The following SIPA1L1 variants were observed in gnomAD, a reference collection of about 807,000 sequenced individuals.
The protein encoded by SIPA1L1 is signal-induced proliferation-associated 1-like protein 1.
Under a neutral mutation model 162.7 loss-of-function variants are expected in SIPA1L1, and 26 were observed. The observed-to-expected ratio is 0.16, with a 90% confidence interval of 0.12 to 0.22. The LOEUF is 0.22. Among genes scored for constraint, SIPA1L1 ranks in the 10% least tolerant of loss-of-function variants. SIPA1L1 has a pLI of 1.00. For missense variants in SIPA1L1, 1,874 were observed against 2,241.0 expected, an observed-to-expected ratio of 0.84 and a Z score of 3.31; for synonymous variants, 829 against 837.4, an observed-to-expected ratio of 0.99 and a Z score of 0.17.
intron 2 of SIPA1L1, among the ~76,000 whole-genome samples, chr14:71,391,103 C>CTTTTTT (rs36003254): frequency 2.8e-5 from 3 of 108,460 alleles, no homozygotes; most frequent in Admixed American, 1.2e-4. Flanking sequence ...TATTCAGTAT[C>CTTTTTT]TTTTTTTTTT....
chr14:71,517,369 C>G (rs540564154), intron 3 of SIPA1L1, among the ~76,000 whole-genome samples: 2 of 152,030 alleles, frequency 1.3e-5, no homozygotes, highest in Non-Finnish European at 2.9e-5. Context: ...ACATTGTCCC[C>G]TTGAGTTTTT....
chr14:71,537,939 A>T (rs1297308059), intron 4 of SIPA1L1, among the ~76,000 whole-genome samples: 1 of 152,184 alleles, frequency 6.6e-6, no homozygotes, highest in African/African-American at 2.4e-5. Context: ...TCAGGGTCTG[A>T]GGATGGCATT....
At chr14:71,486,118 A>G (rs1402705690) in intron 2 of SIPA1L1, among the ~76,000 whole-genome samples, 2 of 152,236 alleles carry the variant, frequency 1.3e-5, no homozygotes, top group Non-Finnish European at 2.9e-5. Context: ...TTAGACAGAA[A>G]AAGATAGTGA....
intron 2 of SIPA1L1, among the ~76,000 whole-genome samples, chr14:71,352,482 A>C (rs2036818227): frequency 6.6e-6 from 1 of 152,154 alleles, no homozygotes; most frequent in Non-Finnish European, 1.5e-5. Flanking sequence ...GCTTTATATT[A>C]ATGTCATAAT....
At chr14:71,403,624 A>T (rs914871512) in intron 2 of SIPA1L1, among the ~76,000 whole-genome samples, 16 of 147,102 alleles carry the variant, frequency 1.1e-4, no homozygotes, top group African/African-American at 3.8e-4. Context: ...AAAAAAAAAA[A>T]TCTTAATCAT....
intron 2 of SIPA1L1, among the ~76,000 whole-genome samples, chr14:71,470,425 CT>C (rs757800562): frequency 1.9e-4 from 29 of 152,188 alleles, no homozygotes; most frequent in Non-Finnish European, 3.8e-4. Flanking sequence ...TTTTAAGTGA[CT>C]GTGTAACTGG....
chr14:71,535,630 G>C (rs1451249515), intron 4 of SIPA1L1, among the ~76,000 whole-genome samples: 1 of 144,742 alleles, frequency 6.9e-6, no homozygotes, highest in Non-Finnish European at 1.5e-5. Context: ...CTTTTCTTTT[G>C]AGACAGAGTC....
At chr14:71,589,471 G>A (rs556235563) in intron 5 of SIPA1L1, 101 bp downstream of exon 5, 29 of 681,692 alleles carry the variant, frequency 4.3e-5, no homozygotes, top group Middle Eastern at 8.3e-4. Flanking sequence ...CATAAGATTT[G>A]CATGTCTTAT....
rs113752509 is a variant in SIPA1L1 at position 71,470,405 on chromosome 14, C to T, written c.-464-42338C>T. ...GAATTGCTATCTGACACTTCAGCAG[C>T]GCCCAAACTTTTTAAGTGACTGTGT... On this transcript the variant is annotated intron_variant, in intron 2 of 23. Coordinates refer to ENST00000381232, the MANE Select transcript of SIPA1L1 (RefSeq NM_001386936.1). Among the ~76,000 whole-genome samples, 2 of 152,300 alleles carry T rather than the reference C, an allele frequency of 1.3e-5. 1 individual carries two copies. Among genetic ancestry groups the T allele is most frequent in the African/African-American group, 4.8e-5 (2 of 41,572 alleles).
chr14:71,607,119 G>A (rs75473415), intron 5 of SIPA1L1, among the ~76,000 whole-genome samples: 1 of 151,778 alleles, frequency 6.6e-6, no homozygotes, highest in Non-Finnish European at 1.5e-5. Context: ...GAATGAATGA[G>A]CCCAAAGAAT....
intron 2 of SIPA1L1, among the ~76,000 whole-genome samples, chr14:71,382,575 A>G: frequency 6.6e-6 from 1 of 152,160 alleles, no homozygotes; most frequent in Non-Finnish European, 1.5e-5. Context: ...TAAGAACACC[A>G]TCTTGTTCTT....
At chr14:71,529,169 A>G (rs1338957665) in intron 3 of SIPA1L1, 143 bp from the exon 4 acceptor site, 16 of 405,238 alleles carry the variant, frequency 3.9e-5, no homozygotes, top group Non-Finnish European at 7.0e-5. Flanking sequence ...TCTAATGTCT[A>G]ATTTAAAAGC....
intron 6 of SIPA1L1, among the ~76,000 whole-genome samples, chr14:71,619,247 T>C (rs1027719436): frequency 2.0e-5 from 3 of 152,130 alleles, no homozygotes; most frequent in Non-Finnish European, 4.4e-5. Flanking sequence ...GCCAGGATAT[T>C]AGATATAAGA....
rs570413978 is a variant in SIPA1L1 at position 71,680,163 on chromosome 14, C to G, written c.3105-5199C>G. On this transcript the variant is annotated intron_variant, in intron 12 of 23. Coordinates refer to ENST00000381232, the MANE Select transcript of SIPA1L1 (RefSeq NM_001386936.1). The stretch of plus-strand genomic sequence containing the variant: ...ACCTTGCACTTATTCCAAAATTGAC[C>G]ACATAGTTGGAAGTAAAGCACTCCT... 1.3e-4 allele frequency among the ~76,000 whole-genome samples: 20 copies of G among 152,196 alleles called. No homozygotes were observed. The East Asian group carries it at 3.1e-3, about 24-fold the overall frequency.
At chr14:71,496,732 C>G (rs570219347) in intron 2 of SIPA1L1, among the ~76,000 whole-genome samples, 1 of 152,230 alleles carries the variant, frequency 6.6e-6, no homozygotes, top group African/African-American at 2.4e-5. Context: ...TCTCTCAGTT[C>G]TGTTTCATTT....
intron 2 of SIPA1L1, among the ~76,000 whole-genome samples, chr14:71,334,428 G>A (rs1409869819): frequency 6.6e-6 from 1 of 152,154 alleles, no homozygotes; most frequent in African/African-American, 2.4e-5. Context: ...AGATGTGAAA[G>A]CTTTCTCTTT....
intron 2 of SIPA1L1, among the ~76,000 whole-genome samples, chr14:71,485,969 C>G (rs2048725222): frequency 6.6e-6 from 1 of 152,116 alleles, no homozygotes; most frequent in Admixed American, 6.5e-5. Context: ...TTTCTGTTGG[C>G]CCTACTCACT....
chr14:71,671,479 G>A lies in SIPA1L1; in HGVS notation c.2616G>A (p.Met872Ile). ...GGGCTGAAGACTACAACAAGGCCAT[G>A]GAACTAGACTGCCTTTTAGGGATCT... ...AVRAEDYNKA[M>I]ELDCLLGISN... Residue 872 changes from methionine to isoleucine, a missense_variant, in exon 11 of 24, where the codon ATG becomes ATA. By Grantham distance (10) the Met-to-Ile change is conservative (BLOSUM62 1). Around this residue, in one of 5 missense-constraint regions of SIPA1L1, gnomAD observed 243 missense variants for 315.0 expected, o/e 0.77. Coordinates refer to ENST00000381232, the MANE Select transcript of SIPA1L1 (RefSeq NM_001386936.1). 1 of 1,614,128 alleles carries A rather than the reference G, an allele frequency of 6.2e-7. No homozygotes were observed. Among genetic ancestry groups the A allele is most frequent in the Non-Finnish European group, 8.5e-7 (1 of 1,180,020 alleles).
chr14:71,505,805 G>A (rs1480416692), intron 2 of SIPA1L1, among the ~76,000 whole-genome samples: 3 of 152,050 alleles, frequency 2.0e-5, no homozygotes, highest in Non-Finnish European at 4.4e-5. Context: ...ATGTTTCGGT[G>A]TACACAAACT....
Sources: gnomAD v4.1 joint callset for allele counts (sites outside exome capture counted in the v4.1 genomes callset) on GRCh38, gnomAD v4.1.1 for gene constraint, gnomAD v4.1.1 regional missense constraint, MANE v1.5 for transcripts, NCBI Gene and HGNC (gene_info 2026-07-23, HGNC 2026-07-21) for gene names.